The following NFYC variants were observed in gnomAD, a reference collection of about 807,000 sequenced individuals.
NFYC encodes the protein nuclear transcription factor Y subunit gamma.
NFYC carries 25 observed loss-of-function variants against 53.1 expected under a neutral mutation model. The ratio of observed to expected loss-of-function variants is 0.47; its 90% confidence interval spans 0.34 to 0.66. The LOEUF (loss-of-function observed/expected upper bound fraction) is 0.66. Ranked by LOEUF, NFYC falls within the 30% of genes least tolerant of loss-of-function variation. The pLI, the probability that NFYC is intolerant of heterozygous loss-of-function variation, is 0.01. For synonymous variants in NFYC, 145 were observed against 152.6 expected (o/e 0.95, Z 0.37); for missense variants, 260 against 422.7 (o/e 0.62, Z 3.38).
Position 40,770,576 on chromosome 1 carries a change from CCCT to C in NFYC, c.889-126_889-124del, listed in dbSNP as rs758013102. ...CCCAACCCCAGCAGAGCTCCACTTC[CCCT>C]CCTCCTTCTGACGCCTTGCAGTGGG... is the stretch of plus-strand genomic sequence containing the variant. On this transcript the variant is annotated intron_variant, in intron 9 of 9. Coordinates refer to ENST00000447388, the MANE Select transcript of NFYC (RefSeq NM_014223.5). This position sits in a 1 kb window ranked among gnomAD's most constrained non-coding sequence, Gnocchi z 5.3. 21 of 1,607,672 alleles carry C rather than the reference CCCT, an allele frequency of 1.3e-5. No homozygotes were observed. The Admixed American group carries it at 2.2e-4, about 17-fold the overall frequency.
intron 8 of NFYC, chr1:40,767,174 A>C: frequency 7.2e-6 from 4 of 557,126 alleles, no homozygotes; most frequent in African/African-American, 3.8e-5. Context: ...GCCCTACAAT[A>C]TTGATGGCTA....
At chr1:40,736,942 A>G (rs941257940) in intron 1 of NFYC, among the ~76,000 whole-genome samples, 3 of 151,828 alleles carry the variant, frequency 2.0e-5, no homozygotes, top group African/African-American at 4.8e-5. Context: ...CCTGGCCAAC[A>G]TGGCGAAACC....
At chr1:40,766,567 TG>T in intron 7 of NFYC, 28 bp from the exon 8 acceptor site, 1 of 1,540,984 alleles carries the variant, frequency 6.5e-7, no homozygotes, top group Non-Finnish European at 8.9e-7. Context: ...CAATGTCTTA[TG>T]GTCTCTTTGT....
intron 7 of NFYC, chr1:40,763,416 A>G (rs1402999939): frequency 2.2e-6 from 1 of 454,336 alleles, no homozygotes; most frequent in Non-Finnish European, 4.4e-6. Context: ...GCTTGATCTC[A>G]GCTCACTGCA....
intron 4 of NFYC, among the ~76,000 whole-genome samples, chr1:40,751,258 A>G (rs974202765): frequency 6.6e-6 from 1 of 152,206 alleles, no homozygotes; most frequent in Non-Finnish European, 1.5e-5. Flanking sequence ...CTATGTTAAC[A>G]AAAGGAACCA....
At chr1:40,701,423 G>C (rs995423578) in intron 1 of NFYC, among the ~76,000 whole-genome samples, 2 of 152,176 alleles carry the variant, frequency 1.3e-5, no homozygotes, top group African/African-American at 2.4e-5. Context: ...TCTACTTCTA[G>C]CTTCTTGCTT....
At chr1:40,720,437 C>G (rs915659592) in intron 1 of NFYC, among the ~76,000 whole-genome samples, 1 of 152,188 alleles carries the variant, frequency 6.6e-6, no homozygotes, top group Non-Finnish European at 1.5e-5. Context: ...AAGTTTTTCT[C>G]CAACCCCACT....
At position 40,770,919 on chromosome 1, in the gene NFYC, G is replaced by A. The variant is rs1391082500; in HGVS notation, c.*91G>A. 5.7e-5 allele frequency: 82 copies of A among 1,429,020 alleles called. 1 individual carries two copies. The Middle Eastern group carries it at 5.8e-4, about 10-fold the overall frequency. The allele number at this position is 1,429,020 out of a possible 1,614,324, so 88.5% of individuals were successfully genotyped here. Reference sequence around the variant, plus strand: ...CACAGCCTTCCTCCCCAGAGGACCCGGCCGACCTCAGCGCCTCCTGCAGGC... The same window carrying A: ...CACAGCCTTCCTCCCCAGAGGACCCAGCCGACCTCAGCGCCTCCTGCAGGC... On this transcript the variant is annotated 3_prime_UTR_variant, in exon 10 of 10. Transcript: ENST00000447388. The surrounding 1 kb of genome is among the most constrained non-coding windows in gnomAD (Gnocchi z 5.3).
chr1:40,766,622 G>A lies in NFYC; in HGVS notation c.747G>A (p.Gln249=), dbSNP rs757833210. Residue 249 remains glutamine (Q), a synonymous_variant, in exon 8 of 10, where the codon CAG becomes CAA. Coordinates refer to ENST00000447388, the MANE Select transcript of NFYC (RefSeq NM_014223.5). ...IPVQLNAGQL[Q]YIRLAQPVSG... ...TGCAGCTGAATGCCGGCCAGCTGCA[G>A]TATATCCGCTTAGCCCAGCCTGTAT... The A allele has an allele frequency of 3.1e-6, 5 of 1,614,016 alleles. No individual in the cohort carries two copies.
At chr1:40,755,248 G>A (rs1473273161) in intron 5 of NFYC, among the ~76,000 whole-genome samples, 1 of 152,180 alleles carries the variant, frequency 6.6e-6, no homozygotes, top group Non-Finnish European at 1.5e-5. Flanking sequence ...GGCACTGTTC[G>A]TCAGTCTCAG....
intron 1 of NFYC, among the ~76,000 whole-genome samples, chr1:40,729,518 A>G (rs185800906): frequency 6.8e-4 from 103 of 152,216 alleles, no homozygotes; most frequent in African/African-American, 2.3e-3. Flanking sequence ...TTCTGTCTAG[A>G]CCACTGAAAC....
At chr1:40,725,942 A>G (rs1352862519) in intron 1 of NFYC, among the ~76,000 whole-genome samples, 1 of 152,242 alleles carries the variant, frequency 6.6e-6, no homozygotes, top group Non-Finnish European at 1.5e-5. Flanking sequence ...GCTTATTTTA[A>G]TTTTAAAATA....
Position 40,712,754 on chromosome 1 carries a change from C to T in NFYC, c.-9+20887C>T, listed in dbSNP as rs192424387. ...AGTGCCGTGGCATGATCATGACTCA[C>T]TGCAGCCTCCACCTCCTGGGCTCAA... On this transcript the variant is annotated intron_variant, in intron 1 of 9. Transcript: ENST00000447388. The T allele has an allele frequency of 5.6e-4, 81 of 145,240 alleles. 1 individual carries two copies. The highest frequency in any genetic ancestry group is 1.9e-3 in the African/African-American group (77 of 39,696). 9.0% of individuals were successfully genotyped at this position (145,240 alleles called of 1,614,324 possible). A position where few individuals can be genotyped will look rare whatever the true frequency, so the allele number is the denominator to read the frequency against.
chr1:40,711,636 A>G (rs1643931383), intron 1 of NFYC, among the ~76,000 whole-genome samples: 1 of 152,190 alleles, frequency 6.6e-6, no homozygotes. Flanking sequence ...CCTGTACAAA[A>G]CCTTTGATGA....
chr1:40,747,121 A>C (rs1366426927), intron 2 of NFYC, among the ~76,000 whole-genome samples: 2 of 152,196 alleles, frequency 1.3e-5, no homozygotes, highest in Non-Finnish European at 2.9e-5. Flanking sequence ...GGAAGAAAGA[A>C]CTGGCAGTTT....
At chr1:40,757,186 C>T in intron 5 of NFYC, 1 of 265,508 alleles carries the variant, frequency 3.8e-6, no homozygotes, top group Non-Finnish European at 8.6e-6. Flanking sequence ...TTTGTTGTCC[C>T]AGGCAGGGGC....
intron 3 of NFYC, among the ~76,000 whole-genome samples, chr1:40,747,939 A>G (rs1345073590): frequency 6.6e-6 from 1 of 151,008 alleles, no homozygotes; most frequent in African/African-American, 2.4e-5. Context: ...AGGTTCAGGC[A>G]ATTCCCATGC....
intron 1 of NFYC, among the ~76,000 whole-genome samples, chr1:40,729,651 G>A (rs2148534513): frequency 6.6e-6 from 1 of 151,858 alleles, no homozygotes; most frequent in Admixed American, 6.5e-5. Context: ...TTTGGTGCAA[G>A]AGGCCTAGCT....
At chr1:40,729,267 A>G (rs1234680060) in intron 1 of NFYC, among the ~76,000 whole-genome samples, 2 of 152,226 alleles carry the variant, frequency 1.3e-5, no homozygotes, top group African/African-American at 2.4e-5. Flanking sequence ...TGTTTAATGT[A>G]GCCAGTTGCA....
Sources: gnomAD v4.1 joint callset for allele counts (sites outside exome capture counted in the v4.1 genomes callset) on GRCh38, gnomAD v4.1.1 for gene constraint, Gnocchi (gnomAD v3.1) non-coding constraint, MANE v1.5 for transcripts, NCBI Gene and HGNC (gene_info 2026-07-23, HGNC 2026-07-21) for gene names.